GUCD1: variants seen among roughly 807,000 people sequenced by gnomAD.
GUCD1 encodes guanylyl cyclase domain containing 1.
In GUCD1, 17 loss-of-function variants were observed where a neutral mutation model predicts 28.3. The observed-to-expected ratio is 0.60, with a 90% CI of 0.41 to 0.90. The LOEUF is 0.90. GUCD1 is among the 40% of genes least tolerant of loss of function. The pLI is 0.00. For missense variants in GUCD1, 279 were observed against 305.5 expected (o/e 0.91, Z 0.65); for synonymous variants, 129 against 123.3 (o/e 1.05, Z -0.30).
chr22:24,543,775 TGGGCACTG>T, intron 5 of GUCD1, 59 bp downstream of exon 5: 1 of 1,571,772 alleles, frequency 6.4e-7, no homozygotes, highest in Non-Finnish European at 8.7e-7. Context: ...GTGGGAACTG[TGGGCACTG>T]GGCATACAGA....
At chr22:24,553,415 G>A (rs1056583170) in intron 1 of GUCD1, among the ~76,000 whole-genome samples, 1 of 152,218 alleles carries the variant, frequency 6.6e-6, no homozygotes, top group African/African-American at 2.4e-5. Flanking sequence ...ATTCTTCAGT[G>A]GCAGATGGGG....
chr22:24,543,100 G>A lies in GUCD1; in HGVS notation c.629-3C>T. Reference sequence around the variant, plus strand: ...ACTGATGCTGGTGCTGCACATTCCTGCTGGGGGTGGGGAAGGCAGAACGGG... The same window carrying A: ...ACTGATGCTGGTGCTGCACATTCCTACTGGGGGTGGGGAAGGCAGAACGGG... On this transcript the variant is annotated splice_region_variant and splice_polypyrimidine_tract_variant and intron_variant, in intron 5 of 5. Coordinates refer to ENST00000435822, the MANE Select transcript of GUCD1 (RefSeq NM_001284254.2). 1 of 1,612,702 alleles carries A rather than the reference G, an allele frequency of 6.2e-7. No individual in the cohort carries two copies.
Position 24,546,974 on chromosome 22 carries a change from T to A in GUCD1, c.326A>T (p.Glu109Val). The A allele has an allele frequency of 6.2e-7, 1 of 1,614,174 alleles. No homozygotes were observed. Among genetic ancestry groups the A allele is most frequent in the Admixed American group, 1.7e-5 (1 of 60,022 alleles). The change falls in exon 4 of 6, where the codon GAG becomes GTG. Residue 109 changes from glutamate to valine, a missense_variant. By Grantham distance (121) the Glu-to-Val change is moderately radical. Coordinates refer to ENST00000435822, the MANE Select transcript of GUCD1 (RefSeq NM_001284254.2). ...SFYRKHFDTE[E>V]TRVNQLFAQA... ...TGCAAACAGCTGATTCACCCGGGTC[T>A]CTTCTGTGTCAAAGTGCTTCCTGTA...
chr22:24,555,314 C>A, upstream of GUCD1: 1 of 1,396,338 alleles, frequency 7.2e-7, no homozygotes, highest in Non-Finnish European at 9.3e-7. Flanking sequence ...CCAATCCTCG[C>A]GCAGACGCGC....
chr22:24,544,100 G>C lies in GUCD1; in HGVS notation c.387-17C>G, dbSNP rs777499054. 6.3e-7 allele frequency: 1 copy of C among 1,599,604 alleles called. No individual in the cohort carries two copies. The highest frequency in any genetic ancestry group is 1.1e-5 in the South Asian group (1 of 90,670). On this transcript the variant is annotated splice_polypyrimidine_tract_variant and intron_variant, in intron 4 of 5. Coordinates refer to ENST00000435822, the MANE Select transcript of GUCD1 (RefSeq NM_001284254.2). ...CTCACTGTGCTGTGGGCGGGAGGGG[G>C]GTCAGCTGGTGCTGCTGGGCCCCCA... is the stretch of plus-strand genomic sequence containing the variant.
At chr22:24,555,544 G>C, upstream of GUCD1, 3 of 1,492,840 alleles carry the variant, frequency 2.0e-6, no homozygotes, top group Non-Finnish European at 2.7e-6. Flanking sequence ...AACCCTGAGC[G>C]GGCAGCCGCT....
At chr22:24,547,392 TGTC>T in intron 3 of GUCD1, 2 of 217,272 alleles carry the variant, frequency 9.2e-6, no homozygotes, top group Non-Finnish European at 1.9e-5. Flanking sequence ...CTTAGCTAGG[TGTC>T]GTCCACGGAA....
At chr22:24,549,558 C>A (rs148568560) in intron 1 of GUCD1, among the ~76,000 whole-genome samples, 103 of 152,298 alleles carry the variant, frequency 6.8e-4, no homozygotes, top group African/African-American at 2.4e-3. Flanking sequence ...GTCGCACAGG[C>A]TGGAGTGCAG....
At chr22:24,552,839 G>A (rs753783747) in intron 1 of GUCD1, among the ~76,000 whole-genome samples, 2 of 151,694 alleles carry the variant, frequency 1.3e-5, no homozygotes, top group African/African-American at 4.8e-5. Context: ...TCACTCTGTC[G>A]CCCAGGCTGG....
At chr22:24,549,550 C>T (rs1317860898) in intron 1 of GUCD1, among the ~76,000 whole-genome samples, 2 of 152,100 alleles carry the variant, frequency 1.3e-5, no homozygotes, top group African/African-American at 2.4e-5. Flanking sequence ...CTTGCTCTGT[C>T]GCACAGGCTG....
chr22:24,549,806 C>G (rs112393178), intron 1 of GUCD1, among the ~76,000 whole-genome samples: 102 of 152,302 alleles, frequency 6.7e-4, no homozygotes, highest in African/African-American at 2.4e-3. Flanking sequence ...AGGCGTGAGC[C>G]ATTCCGCCTG....
intron 4 of GUCD1, among the ~76,000 whole-genome samples, chr22:24,545,366 A>G (rs2044699442): frequency 6.6e-6 from 1 of 152,132 alleles, no homozygotes; most frequent in Non-Finnish European, 1.5e-5. Flanking sequence ...GCTGGAAGGA[A>G]AAACTACAGG....
chr22:24,555,057 G>C lies in GUCD1; in HGVS notation c.-66C>G. 1 of 1,357,820 alleles carries C rather than the reference G, an allele frequency of 7.4e-7. No individual in the cohort carries two copies. Among genetic ancestry groups the C allele is most frequent in the Non-Finnish European group, 9.5e-7 (1 of 1,051,064 alleles). The allele number at this position is 1,357,820 out of a possible 1,614,324, so 84.1% of individuals were successfully genotyped here. On this transcript the variant is annotated 5_prime_UTR_variant, in exon 1 of 6. Transcript: ENST00000435822. ...CGGGCTACAGCTTCCGCTTCGGCTG[G>C]GGCGGGAGGGCGGTCGGTGCGTGTC...
chr22:24,555,131 C>T lies in GUCD1; in HGVS notation c.-140G>A. The T allele has an allele frequency of 7.7e-7, 1 of 1,302,084 alleles. No individual in the cohort carries two copies. 80.7% of individuals were successfully genotyped at this position (1,302,084 alleles called of 1,614,324 possible). ...CCGCTGCGGAGGAGAGAACGGGAGG[C>T]GGCGGCTGGGCCGCCCCAAGCGCCG... is the stretch of plus-strand genomic sequence containing the variant. On this transcript the variant is annotated 5_prime_UTR_variant, in exon 1 of 6. Transcript: ENST00000435822.
At chr22:24,544,120 C>G in intron 4 of GUCD1, 37 bp from the exon 5 acceptor site, 1 of 1,591,350 alleles carries the variant, frequency 6.3e-7, no homozygotes, top group Non-Finnish European at 8.6e-7. Flanking sequence ...TGCTGCTGGG[C>G]CCCCATTCCC....
chr22:24,553,369 G>C (rs2044934864), intron 1 of GUCD1, among the ~76,000 whole-genome samples: 1 of 152,148 alleles, frequency 6.6e-6, no homozygotes, highest in East Asian at 1.9e-4. Context: ...CACTCTCAGG[G>C]CCCCTCAATA....
intron 2 of GUCD1, 23 bp downstream of exon 2, chr22:24,548,894 C>T (rs1397261792): frequency 3.3e-6 from 5 of 1,529,054 alleles, no homozygotes; most frequent in Non-Finnish European, 3.6e-6. Context: ...AGCACCTGGG[C>T]CCCCAGCCCT....
intron 3 of GUCD1, 104 bp downstream of exon 3, chr22:24,547,804 T>A: frequency 8.3e-7 from 1 of 1,206,672 alleles, no homozygotes; most frequent in Non-Finnish European, 1.2e-6. Context: ...GGTATCTACC[T>A]GGGTGTCTAG....
intron 1 of GUCD1, among the ~76,000 whole-genome samples, chr22:24,553,178 C>T (rs2044928816): frequency 6.6e-6 from 1 of 152,234 alleles, no homozygotes; most frequent in South Asian, 2.1e-4. Flanking sequence ...TCTACTCATA[C>T]TGTTTCCTCC....
Sources: allele counts gnomAD v4.1 joint callset (sites outside exome capture counted in the v4.1 genomes callset), GRCh38; gene constraint gnomAD v4.1.1; transcripts MANE v1.5; gene names NCBI Gene and HGNC (gene_info 2026-07-23, HGNC 2026-07-21).